TTC29: variants seen among roughly 807,000 people sequenced by gnomAD.
TTC29 encodes tetratricopeptide repeat domain 29, also known as tetratricopeptide repeat protein 29.
Under a neutral mutation model 58.1 loss-of-function variants are expected in TTC29, and 49 were observed. The ratio of observed to expected loss-of-function variants is 0.84; its 90% confidence interval spans 0.67 to 1.07. The LOEUF is 1.07. Ranked by LOEUF, TTC29 falls within the 50% of genes least tolerant of loss-of-function variation. TTC29 has a pLI of 0.00. For missense variants in TTC29, 582 were observed against 555.6 expected, an observed-to-expected ratio of 1.05 and a Z score of -0.48; for synonymous variants, 209 against 196.8, an observed-to-expected ratio of 1.06 and a Z score of -0.52.
intron 7 of TTC29, among the ~76,000 whole-genome samples, chr4:146,873,105 G>A (rs960805622): frequency 7.2e-5 from 11 of 152,042 alleles, no homozygotes; most frequent in East Asian, 3.9e-4. Flanking sequence ...TTACATCAAC[G>A]TACCCTAACA....
intron 9 of TTC29, among the ~76,000 whole-genome samples, chr4:146,821,551 C>A (rs1164117608): frequency 6.6e-6 from 1 of 152,114 alleles, no homozygotes; most frequent in Non-Finnish European, 1.5e-5. Context: ...TGTTACATAT[C>A]CTCACAAAAT....
intron 12 of TTC29, 45 bp downstream of exon 12, chr4:146,707,440 G>T: frequency 7.2e-7 from 1 of 1,382,198 alleles, no homozygotes; most frequent in Non-Finnish European, 1.0e-6. Flanking sequence ...AGTATATTGC[G>T]CAAAGTGGGT....
chr4:146,896,214 A>G (rs1386791886), intron 6 of TTC29, among the ~76,000 whole-genome samples: 6 of 152,176 alleles, frequency 3.9e-5, no homozygotes, highest in African/African-American at 1.4e-4. Flanking sequence ...TGTATTCATA[A>G]TGCAGTTTCT....
intron 11 of TTC29, among the ~76,000 whole-genome samples, chr4:146,729,015 T>C (rs1744125992): frequency 6.6e-6 from 1 of 151,326 alleles, no homozygotes; most frequent in Non-Finnish European, 1.5e-5. Context: ...GCCAGGCACA[T>C]AGGGATATAT....
intron 4 of TTC29, among the ~76,000 whole-genome samples, chr4:146,925,651 G>T (rs1734883035): frequency 6.6e-6 from 1 of 152,062 alleles, no homozygotes; most frequent in Non-Finnish European, 1.5e-5. Context: ...TAACTTTTGA[G>T]AAAACAATTC....
Position 146,803,566 on chromosome 4 carries a change from C to T in TTC29, c.1221G>A (p.Gln407=), listed in dbSNP as rs1750387771. ...KVHYGIAKAH[Q]MMLTVNNYIE... is the part of the protein sequence containing the mutation. Reference sequence around the variant, plus strand: ...TATAGTTGTTCACTGTAAGCATCATCTGATGAGCTTTTGCTATTCCATAGT... The same window carrying T: ...TATAGTTGTTCACTGTAAGCATCATTTGATGAGCTTTTGCTATTCCATAGT... The change falls in exon 11 of 13, where the codon CAG becomes CAA. Residue 407 remains glutamine, a synonymous_variant. Transcript: ENST00000325106. 1 of 1,606,652 alleles carries T rather than the reference C, an allele frequency of 6.2e-7. No individual in the cohort carries two copies. Among genetic ancestry groups the T allele is most frequent in the Non-Finnish European group, 8.5e-7 (1 of 1,176,004 alleles).
chr4:146,805,208 G>A (rs1750515721), intron 10 of TTC29, among the ~76,000 whole-genome samples: 1 of 152,062 alleles, frequency 6.6e-6, no homozygotes, highest in Admixed American at 6.6e-5. Flanking sequence ...AAAAGGATGT[G>A]CACCCAGAAA....
At chr4:146,923,400 G>C (rs992845882) in intron 4 of TTC29, among the ~76,000 whole-genome samples, 2 of 151,426 alleles carry the variant, frequency 1.3e-5, no homozygotes, top group African/African-American at 4.8e-5. Flanking sequence ...CTCAGAATTG[G>C]AAGAATAGTT....
chr4:146,911,670 C>G (rs1579967790), intron 4 of TTC29, among the ~76,000 whole-genome samples: 1 of 152,284 alleles, frequency 6.6e-6, no homozygotes, highest in East Asian at 1.9e-4. Flanking sequence ...CCTTCTGGTC[C>G]CTTACTGGTT....
At chr4:146,922,034 A>G (rs946455191) in intron 4 of TTC29, among the ~76,000 whole-genome samples, 12 of 149,506 alleles carry the variant, frequency 8.0e-5, no homozygotes, top group African/African-American at 2.7e-4. Context: ...AAAAAAAGAA[A>G]GAAAGAAAAC....
chr4:146,943,997 C>T (rs73853258), intron 2 of TTC29: 15,454 of 152,218 alleles, frequency 0.1, 1,634 homozygotes, highest in African/African-American at 0.27. Flanking sequence ...AGGGTTCTCC[C>T]AGATCAACAT....
intron 10 of TTC29, among the ~76,000 whole-genome samples, chr4:146,810,843 C>T (rs937827248): frequency 2.6e-5 from 4 of 151,932 alleles, no homozygotes; most frequent in African/African-American, 7.3e-5. Context: ...CCACCCGCCT[C>T]CGCTTCCCAA....
chr4:146,905,481 C>A (rs950040302), intron 5 of TTC29, among the ~76,000 whole-genome samples: 2 of 150,908 alleles, frequency 1.3e-5, no homozygotes, highest in African/African-American at 2.4e-5. Context: ...TATTTAAAGA[C>A]TACTTGTCAG....
intron 11 of TTC29, among the ~76,000 whole-genome samples, chr4:146,790,407 T>C (rs1749353961): frequency 6.6e-6 from 1 of 152,122 alleles, no homozygotes; most frequent in African/African-American, 2.4e-5. Flanking sequence ...CAGGATTGTC[T>C]TGATCTCCTG....
intron 8 of TTC29, among the ~76,000 whole-genome samples, chr4:146,854,913 G>T (rs1353657049): frequency 5.3e-5 from 8 of 152,120 alleles, no homozygotes; most frequent in Non-Finnish European, 1.0e-4. Flanking sequence ...TGATTGTTCA[G>T]GTGCCAAATG....
chr4:146,867,812 A>C (rs940252729), intron 7 of TTC29, among the ~76,000 whole-genome samples: 5 of 152,148 alleles, frequency 3.3e-5, no homozygotes, highest in African/African-American at 1.2e-4. Flanking sequence ...TATATACCTC[A>C]TACATGACAT....
chr4:146,818,240 A>T (rs1751560481), intron 10 of TTC29, among the ~76,000 whole-genome samples: 1 of 152,244 alleles, frequency 6.6e-6, no homozygotes, highest in Admixed American at 6.5e-5. Flanking sequence ...TTTACAAGAA[A>T]AAAACAAATA....
chr4:146,846,754 G>A (rs1486454772), intron 8 of TTC29, among the ~76,000 whole-genome samples: 3 of 152,088 alleles, frequency 2.0e-5, no homozygotes, highest in Non-Finnish European at 4.4e-5. Flanking sequence ...CTGTCTCTCC[G>A]CTGGCAGCAA....
chr4:146,898,879 A>G (rs2150262588), intron 6 of TTC29, among the ~76,000 whole-genome samples: 1 of 152,358 alleles, frequency 6.6e-6, no homozygotes, highest in Middle Eastern at 3.4e-3. Flanking sequence ...TGACCTCTCC[A>G]GTCTAGCCCC....
Sources: gnomAD v4.1 joint callset for allele counts (sites outside exome capture counted in the v4.1 genomes callset) on GRCh38, gnomAD v4.1.1 for gene constraint, MANE v1.5 for transcripts, NCBI Gene and HGNC (gene_info 2026-07-23, HGNC 2026-07-21) for gene names.